The following OXR1 variants were observed in gnomAD, a reference collection of about 807,000 sequenced individuals.
OXR1 encodes oxidation resistance 1.
A neutral mutation model predicts 104.6 loss-of-function variants in OXR1; 41 were observed. That is an observed-to-expected ratio of 0.39 (90% CI 0.31 to 0.51). OXR1 has a LOEUF of 0.51. Ranked by LOEUF, OXR1 falls within the 20% of genes least tolerant of loss-of-function variation. The pLI is 0.77. For synonymous variants in OXR1, 348 were observed against 348.4 expected, an observed-to-expected ratio of 1.00 and a Z score of 0.01; for missense variants, 955 against 1,031.9, an observed-to-expected ratio of 0.93 and a Z score of 1.02.
At chr8:106,652,213 T>G (rs544375136) in intron 3 of OXR1, among the ~76,000 whole-genome samples, 5 of 152,108 alleles carry the variant, frequency 3.3e-5, no homozygotes, top group Non-Finnish European at 7.4e-5. Context: ...AGTAGGCATT[T>G]ACTAAAGCTG....
intron 2 of OXR1, among the ~76,000 whole-genome samples, chr8:106,435,000 T>C (rs1019170202): frequency 1.3e-5 from 2 of 151,642 alleles, no homozygotes; most frequent in Non-Finnish European, 2.9e-5. Context: ...TGAAGGTGAA[T>C]GGGTAGGGGT....
At chr8:106,749,405 A>T (rs540830396) in intron 16 of OXR1, among the ~76,000 whole-genome samples, 3 of 152,134 alleles carry the variant, frequency 2.0e-5, no homozygotes, top group South Asian at 2.1e-4. Context: ...CTGTAATGCC[A>T]TGTGACTCCT....
In OXR1 at chr8:106,551,860, ATGTGTGTGTG is replaced by A. The variant is rs71307068; in HGVS notation, c.220+32753_220+32762del. ...TATGTGTACATATATGTGTATATAT[ATGTGTGTGTG>A]TGTGTGTGTGTGTGTGTGTGTGTGT... On this transcript the variant is annotated intron_variant, in intron 3 of 16. Transcript: ENST00000517566. 9.2e-4 allele frequency among the ~76,000 whole-genome samples: 117 copies of A among 126,574 alleles called. 2 individuals carry two copies. The highest frequency in any genetic ancestry group is 7.2e-3 in the East Asian group (31 of 4,314). The allele number at this position is 126,574 out of a possible 152,430, so 83.0% of individuals were successfully genotyped here.
chr8:106,698,616 C>CACCAAT (rs1830299579), intron 7 of OXR1, among the ~76,000 whole-genome samples: 1 of 151,962 alleles, frequency 6.6e-6, no homozygotes, highest in Non-Finnish European at 1.5e-5. Flanking sequence ...ATTTTAATTG[C>CACCAAT]TTGTTTTTAA....
intron 3 of OXR1, among the ~76,000 whole-genome samples, chr8:106,586,176 T>A (rs1818614623): frequency 6.6e-6 from 1 of 152,178 alleles, no homozygotes. Context: ...TAGCCATGAT[T>A]CAGGTGAGAA....
chr8:106,573,923 AAAAG>A (rs1222798027), intron 3 of OXR1, among the ~76,000 whole-genome samples: 2 of 152,206 alleles, frequency 1.3e-5, no homozygotes, highest in East Asian at 1.9e-4. Flanking sequence ...TTCAAAAAAA[AAAAG>A]AAAGCATTCA....
At chr8:106,335,510 G>C (rs1814923486) in intron 1 of OXR1, among the ~76,000 whole-genome samples, 1 of 152,052 alleles carries the variant, frequency 6.6e-6, no homozygotes, top group South Asian at 2.1e-4. Flanking sequence ...GTTTTACTCA[G>C]ACATTTCTCC....
chr8:106,310,235 T>A (rs1431185139), intron 1 of OXR1, among the ~76,000 whole-genome samples: 1 of 151,424 alleles, frequency 6.6e-6, no homozygotes, highest in Non-Finnish European at 1.5e-5. Context: ...GTGACCTTTT[T>A]TTTTTTTTTG....
intron 1 of OXR1, among the ~76,000 whole-genome samples, chr8:106,346,856 G>A (rs1003145228): frequency 6.6e-6 from 1 of 152,148 alleles, no homozygotes; most frequent in African/African-American, 2.4e-5. Context: ...TGGCTAACAC[G>A]GTGAAACCCC....
chr8:106,535,047 C>T (rs1814383727), intron 3 of OXR1, among the ~76,000 whole-genome samples: 1 of 152,108 alleles, frequency 6.6e-6, no homozygotes. Context: ...ACTGCAAGCT[C>T]CGCCTCCCGG....
intron 2 of OXR1, among the ~76,000 whole-genome samples, chr8:106,437,822 G>A (rs1355181644): frequency 2.6e-5 from 4 of 152,096 alleles, no homozygotes; most frequent in Admixed American, 6.6e-5. Context: ...TCTATGACAA[G>A]GTACTGTGGT....
At chr8:106,655,180 G>C (rs115645035) in intron 3 of OXR1, among the ~76,000 whole-genome samples, 2,644 of 152,138 alleles carry the variant, frequency 0.017, 57 homozygotes, top group African/African-American at 0.06. Context: ...TTCTTTTTGT[G>C]GTGATGGAAA....
At chr8:106,728,953 C>G (rs1376864898) in intron 11 of OXR1, among the ~76,000 whole-genome samples, 2 of 152,038 alleles carry the variant, frequency 1.3e-5, no homozygotes, top group Non-Finnish European at 2.9e-5. Flanking sequence ...TATGAAAACA[C>G]AGGAGAAAAG....
intron 1 of OXR1, among the ~76,000 whole-genome samples, chr8:106,280,457 G>T (rs1563691837): frequency 6.6e-6 from 1 of 152,120 alleles, no homozygotes. Context: ...GCATTTGTTG[G>T]TTTATAGACT....
chr8:106,515,214 T>C (rs1257725639), intron 2 of OXR1, among the ~76,000 whole-genome samples: 1 of 152,032 alleles, frequency 6.6e-6, no homozygotes, highest in African/African-American at 2.4e-5. Flanking sequence ...AAATTATATA[T>C]ATTTATAGGG....
At chr8:106,746,883 T>A (rs1407245074) in intron 16 of OXR1, among the ~76,000 whole-genome samples, 1 of 152,210 alleles carries the variant, frequency 6.6e-6, no homozygotes, top group African/African-American at 2.4e-5. Context: ...TAGTGGCTTA[T>A]AATTTCAAGA....
intron 2 of OXR1, chr8:106,448,095 T>C (rs1242094378): frequency 6.5e-7 from 1 of 1,530,870 alleles, no homozygotes; most frequent in Admixed American, 2.0e-5. Flanking sequence ...TCCTGTGTTA[T>C]GAAGAAAACG....
chr8:106,627,866 A>G (rs1822303369), intron 3 of OXR1, among the ~76,000 whole-genome samples: 1 of 152,156 alleles, frequency 6.6e-6, no homozygotes, highest in Non-Finnish European at 1.5e-5. Context: ...TTGAGGGCAC[A>G]GGGGATCCAC....
intron 3 of OXR1, among the ~76,000 whole-genome samples, chr8:106,602,825 T>C (rs1820075267): frequency 6.6e-6 from 1 of 152,186 alleles, no homozygotes; most frequent in South Asian, 2.1e-4. Flanking sequence ...TATTCTACCC[T>C]GTGCAGTCCC....
Sources: gnomAD v4.1 joint callset for allele counts (sites outside exome capture counted in the v4.1 genomes callset) on GRCh38, gnomAD v4.1.1 for gene constraint, MANE v1.5 for transcripts, NCBI Gene and HGNC (gene_info 2026-07-23, HGNC 2026-07-21) for gene names.